FAM81A: variants seen among roughly 807,000 people sequenced by gnomAD.
FAM81A encodes the protein protein FAM81A.
Under a neutral mutation model 46.7 loss-of-function variants are expected in FAM81A, and 19 were observed. The observed-to-expected ratio is 0.41, with a 90% CI of 0.28 to 0.60. FAM81A has a LOEUF of 0.60. FAM81A is among the 20% of genes least tolerant of loss of function. The pLI is 0.34. For missense variants in FAM81A, 377 were observed against 453.5 expected (o/e 0.83, Z 1.53); for synonymous variants, 183 against 152.9 (o/e 1.20, Z -1.45).
At chr15:59,422,188 A>T (rs1462041792) in intron 2 of FAM81A, among the ~76,000 whole-genome samples, 1 of 152,042 alleles carries the variant, frequency 6.6e-6, no homozygotes, top group African/African-American at 2.4e-5. Context: ...GGAGTTCAAG[A>T]CTAGCCTGGC....
intron 6 of FAM81A, among the ~76,000 whole-genome samples, chr15:59,511,496 C>T (rs1257737166): frequency 6.6e-6 from 1 of 152,128 alleles, no homozygotes; most frequent in Non-Finnish European, 1.5e-5. Flanking sequence ...AACAGGACCT[C>T]TTTATAGCGC....
At chr15:59,512,465 C>A (rs1365971454) in intron 6 of FAM81A, among the ~76,000 whole-genome samples, 1 of 121,910 alleles carries the variant, frequency 8.2e-6, no homozygotes, top group African/African-American at 3.4e-5. Flanking sequence ...GAGCGAAACT[C>A]CATCTCAAAA....
At chr15:59,406,672 A>G (rs947869763) in intron 2 of FAM81A, among the ~76,000 whole-genome samples, 15 of 152,086 alleles carry the variant, frequency 9.9e-5, no homozygotes, top group Admixed American at 4.6e-4. Flanking sequence ...TCCTACCCCC[A>G]GCTCTAGGCA....
At chr15:59,489,468 A>G (rs1567066656) in intron 3 of FAM81A, among the ~76,000 whole-genome samples, 1 of 152,172 alleles carries the variant, frequency 6.6e-6, no homozygotes, top group East Asian at 1.9e-4. Flanking sequence ...TATTGTTAAA[A>G]TGTCTGTACT....
intron 3 of FAM81A, among the ~76,000 whole-genome samples, chr15:59,461,652 G>A (rs944178707): frequency 2.0e-5 from 3 of 151,996 alleles, no homozygotes; most frequent in Non-Finnish European, 2.9e-5. Flanking sequence ...ATCTTTCTGC[G>A]GTTCAGACAT....
At chr15:59,517,616 A>G (rs1001638882) in intron 8 of FAM81A, among the ~76,000 whole-genome samples, 1 of 152,210 alleles carries the variant, frequency 6.6e-6, no homozygotes, top group East Asian at 1.9e-4. Context: ...ATTTTCTTCT[A>G]TGAAATTGTT....
At chr15:59,487,200 TTATA>T (rs1391702171) in intron 3 of FAM81A, among the ~76,000 whole-genome samples, 1 of 146,786 alleles carries the variant, frequency 6.8e-6, no homozygotes, top group Non-Finnish European at 1.5e-5. Flanking sequence ...TATATATATA[TTATA>T]TATATATCTT....
At chr15:59,467,743 A>G (rs560396376) in intron 3 of FAM81A, among the ~76,000 whole-genome samples, 23 of 152,336 alleles carry the variant, frequency 1.5e-4, no homozygotes, top group African/African-American at 4.6e-4. Flanking sequence ...TTCCAACACC[A>G]TGTTGAACAG....
chr15:59,430,305 C>T (rs2081214340), intron 2 of FAM81A, among the ~76,000 whole-genome samples: 1 of 144,174 alleles, frequency 6.9e-6, no homozygotes, highest in Non-Finnish European at 1.5e-5. Flanking sequence ...TGCTCTGTCA[C>T]CCAAGCTGGA....
intron 2 of FAM81A, among the ~76,000 whole-genome samples, chr15:59,418,827 T>C (rs2081158144): frequency 6.6e-6 from 1 of 152,212 alleles, no homozygotes; most frequent in South Asian, 2.1e-4. Flanking sequence ...ATGGAGGTGA[T>C]GTCTCCTCCT....
At chr15:59,410,019 A>G (rs2141537086) in intron 2 of FAM81A, among the ~76,000 whole-genome samples, 1 of 152,274 alleles carries the variant, frequency 6.6e-6, no homozygotes, top group African/African-American at 2.4e-5. Flanking sequence ...TTACTAGTGC[A>G]GGCCGGGCAT....
chr15:59,452,788 A>G (rs1487679063), intron 1 of FAM81A, among the ~76,000 whole-genome samples: 1 of 152,178 alleles, frequency 6.6e-6, no homozygotes, highest in Non-Finnish European at 1.5e-5. Flanking sequence ...TAGAAACAGG[A>G]TCTCACTCTG....
intron 4 of FAM81A, among the ~76,000 whole-genome samples, chr15:59,499,611 T>G (rs1430715664): frequency 6.6e-6 from 1 of 152,158 alleles, no homozygotes; most frequent in African/African-American, 2.4e-5. Context: ...AATTCTCTCA[T>G]TTTTTGTTTT....
intron 4 of FAM81A, among the ~76,000 whole-genome samples, chr15:59,500,261 T>C (rs748396951): frequency 1.6e-4 from 25 of 152,266 alleles, no homozygotes; most frequent in Non-Finnish European, 2.5e-4. Context: ...TTTTCAGCCA[T>C]TATTTTTTGA....
chr15:59,478,845 G>C (rs548948778), intron 3 of FAM81A, among the ~76,000 whole-genome samples: 25 of 152,280 alleles, frequency 1.6e-4, no homozygotes, highest in Non-Finnish European at 3.2e-4. Context: ...TCCTCTTTGA[G>C]GACCTGATCA....
chr15:59,422,271 C>A (rs1180432741), intron 2 of FAM81A, among the ~76,000 whole-genome samples: 5 of 151,970 alleles, frequency 3.3e-5, no homozygotes, highest in African/African-American at 1.2e-4. Flanking sequence ...GCTTGTAGTA[C>A]CAGCTTGTAG....
chr15:59,516,613 T>G (rs1596550282), intron 7 of FAM81A, 32 bp from the exon 8 acceptor site: 1 of 1,579,398 alleles, frequency 6.3e-7, no homozygotes, highest in South Asian at 1.2e-5. Context: ...CTTTTTGGAG[T>G]GATTAAGTGC....
chr15:59,455,415 A>C lies in FAM81A; in HGVS notation c.-77-3135A>C, dbSNP rs562833936. ...GTGGTATCAGTGATCAGATTTATAA[A>C]CGTACAGGAGATGATAACCTCAGGC... On this transcript the variant is annotated intron_variant, in intron 1 of 8. Coordinates refer to ENST00000288228, the MANE Select transcript of FAM81A (RefSeq NM_152450.3). Among the ~76,000 whole-genome samples the C allele has an allele frequency of 2.6e-5, 4 of 152,322 alleles. No individual in the cohort carries two copies. In the South Asian group the frequency reaches 8.3e-4, roughly 32 times the overall value.
chr15:59,436,456 A>G (rs975781086), upstream of FAM81A, among the ~76,000 whole-genome samples: 13 of 152,332 alleles, frequency 8.5e-5, no homozygotes, highest in Admixed American at 6.5e-4. Context: ...GAAGAGGAAG[A>G]AACAAGACAG....
Sources: gnomAD v4.1 joint callset for allele counts (sites outside exome capture counted in the v4.1 genomes callset) on GRCh38, gnomAD v4.1.1 for gene constraint, MANE v1.5 for transcripts, NCBI Gene and HGNC (gene_info 2026-07-23, HGNC 2026-07-21) for gene names.